Variants in PGR observed in about 807,000 individuals in gnomAD.
The protein encoded by PGR is nuclear receptor subfamily 3 group C member 3.
In PGR, 25 loss-of-function variants were observed where a neutral mutation model predicts 76.1. The observed-to-expected ratio is 0.33, with a 90% CI of 0.24 to 0.46. PGR has a LOEUF of 0.46. Ranked by LOEUF, PGR falls within the 20% of genes least tolerant of loss-of-function variation. PGR has a pLI of 1.00. For missense variants in PGR, 1,172 were observed against 1,225.3 expected (o/e 0.96, Z 0.65); for synonymous variants, 579 against 535.0 (o/e 1.08, Z -1.14).
At position 101,048,506 on chromosome 11, in the gene PGR, A is replaced by G. The variant is rs139654021; in HGVS notation, c.2488+1423T>C. Reference sequence around the variant, plus strand: ...TTATTCCTAGGCTATGAACCTGTACAGCATGTGATTACTGAATACTGTAGG... The same window carrying G: ...TTATTCCTAGGCTATGAACCTGTACGGCATGTGATTACTGAATACTGTAGG... On this transcript the variant is annotated intron_variant, in intron 6 of 7. Coordinates refer to ENST00000325455, the MANE Select transcript of PGR (RefSeq NM_000926.4). Among the ~76,000 whole-genome samples, 30 of 152,306 alleles carry G rather than the reference A, an allele frequency of 2.0e-4. No individual in the cohort carries two copies. The East Asian group carries it at 2.9e-3, about 15-fold the overall frequency.
intron 3 of PGR, chr11:101,063,092 G>A: frequency 4.2e-6 from 1 of 240,554 alleles, no homozygotes; most frequent in Non-Finnish European, 8.1e-6. Flanking sequence ...AGTTTTAGTA[G>A]CGACTACGCT....
rs540943297 is a variant in PGR, at chr11:101,046,292, ATTTTTTTTTTTTTTTTTTTTT to A, written c.2488+3616_2488+3636del. Among the ~76,000 whole-genome samples the A allele has an allele frequency of 1.4e-3, 94 of 66,296 alleles. 5 individuals are homozygous for A. Among genetic ancestry groups the A allele is most frequent in the Middle Eastern group, 8.6e-3 (1 of 116 alleles). 43.5% of individuals were successfully genotyped at this position (66,296 alleles called of 152,430 possible). A position where few individuals can be genotyped will look rare whatever the true frequency, so the allele number is the denominator to read the frequency against. On this transcript the variant is annotated intron_variant, in intron 6 of 7. Transcript: ENST00000325455. ...AGGCACTTGCCACTACGCCTGGCTA[ATTTTTTTTTTTTTTTTTTTTT>A]TTTTTTTTTTTTTTTTTTTTTTTAG...
intron 3 of PGR, among the ~76,000 whole-genome samples, chr11:101,068,383 G>GA (rs549203790): frequency 6.6e-6 from 1 of 152,008 alleles, no homozygotes; most frequent in Admixed American, 6.6e-5. Context: ...CAAACAAATG[G>GA]AAAAACATTC....
chr11:101,033,921 AGAT>A lies in PGR; in HGVS notation c.*5192_*5194del, dbSNP rs1462422179. On this transcript the variant is annotated 3_prime_UTR_variant, in exon 8 of 8. Coordinates refer to ENST00000325455, the MANE Select transcript of PGR (RefSeq NM_000926.4). The stretch of plus-strand genomic sequence containing the variant: ...TTGATGTATTAAGAGCAATTTCAAA[AGAT>A]AATAAAAATAAGCTATAGCATATGT... 3 of 221,184 alleles carry A rather than the reference AGAT, an allele frequency of 1.4e-5. No individual in the cohort carries two copies. The highest frequency in any genetic ancestry group is 6.7e-5 in the African/African-American group (3 of 44,738). 13.7% of individuals were successfully genotyped at this position (221,184 alleles called of 1,614,324 possible). A position where few individuals can be genotyped will look rare whatever the true frequency, so the allele number is the denominator to read the frequency against.
At chr11:101,044,682 T>A (rs1348811505) in intron 6 of PGR, among the ~76,000 whole-genome samples, 1 of 151,068 alleles carries the variant, frequency 6.6e-6, no homozygotes, top group Non-Finnish European at 1.5e-5. Context: ...ATTCCAAGAT[T>A]GTTAGTTGGC....
chr11:101,097,997 C>T (rs1465283938), intron 2 of PGR, among the ~76,000 whole-genome samples: 2 of 151,932 alleles, frequency 1.3e-5, no homozygotes, highest in African/African-American at 2.4e-5. Flanking sequence ...AGGATGGTCT[C>T]GATCTCCTGA....
chr11:101,068,049 A>C, intron 3 of PGR, among the ~76,000 whole-genome samples: 1 of 152,178 alleles, frequency 6.6e-6, no homozygotes, highest in East Asian at 1.9e-4. Context: ...AAGTGTAGTG[A>C]TAATATTCAT....
At chr11:101,109,804 G>C (rs1287601389) in intron 2 of PGR, among the ~76,000 whole-genome samples, 1 of 152,174 alleles carries the variant, frequency 6.6e-6, no homozygotes, top group Non-Finnish European at 1.5e-5. Flanking sequence ...ATGCCATTTA[G>C]AACTTTCAGA....
intron 1 of PGR, among the ~76,000 whole-genome samples, 185 bp from the exon 2 acceptor site, chr11:101,126,343 GCAAATGATTAGC>G (rs1266961989): frequency 6.6e-6 from 1 of 152,106 alleles, no homozygotes; most frequent in Non-Finnish European, 1.5e-5. Flanking sequence ...CACCATACTT[GCAAATGATTAGC>G]CATTCATCAG....
chr11:101,049,981 T>G lies in PGR; in HGVS notation c.2436A>C (p.Gln812His). 6.2e-7 allele frequency: 1 copy of G among 1,612,682 alleles called. No individual in the cohort carries two copies. The highest frequency in any genetic ancestry group is 8.5e-7 in the Non-Finnish European group (1 of 1,179,078). The change falls in exon 6 of 8, where the codon CAA (glutamine) becomes CAC (histidine). Residue 812 changes from glutamine to histidine, a missense_variant. Gln to His is a conservative substitution (Grantham distance 24, BLOSUM62 0). Coordinates refer to ENST00000325455, the MANE Select transcript of PGR (RefSeq NM_000926.4). ...TACAGAGGAACTCTTCTTGGCTAACTTGAAGCTTGACAAACTCCTGTGGGA... is the reference window on the plus strand; with the variant it reads ...TACAGAGGAACTCTTCTTGGCTAACGTGAAGCTTGACAAACTCCTGTGGGA... ...WQIPQEFVKL[Q>H]VSQEEFLCMK... is the part of the protein sequence containing the mutation.
At position 101,036,064 on chromosome 11, in the gene PGR, TGGCAGAGAAGGGG is replaced by T. The variant is rs1226198150; in HGVS notation, c.*3039_*3051del. 6 of 222,356 alleles carry T rather than the reference TGGCAGAGAAGGGG, an allele frequency of 2.7e-5. No homozygotes were observed. The highest frequency in any genetic ancestry group is 5.8e-5 in the Admixed American group (1 of 17,388). 13.8% of individuals were successfully genotyped at this position (222,356 alleles called of 1,614,324 possible). A position where few individuals can be genotyped will look rare whatever the true frequency, so the allele number is the denominator to read the frequency against. On this transcript the variant is annotated 3_prime_UTR_variant, in exon 8 of 8. Coordinates refer to ENST00000325455, the MANE Select transcript of PGR (RefSeq NM_000926.4). ...TGCTTAATCTCATCCAGCTAGTAAG[TGGCAGAGAAGGGG>T]GGCACAGTCCTATGTCAGTTATCTC... is the stretch of plus-strand genomic sequence containing the variant.
intron 3 of PGR, chr11:101,063,094 G>A (rs11571218): frequency 1.2e-4 from 28 of 237,398 alleles, no homozygotes; most frequent in Middle Eastern, 1.7e-3. Flanking sequence ...TTTTAGTAGC[G>A]ACTACGCTCA....
At chr11:101,089,348 T>C (rs2135453136) in intron 3 of PGR, among the ~76,000 whole-genome samples, 1 of 152,304 alleles carries the variant, frequency 6.6e-6, no homozygotes, top group African/African-American at 2.4e-5. Flanking sequence ...TTAGAAAAAT[T>C]ATAACTGGCA....
At position 101,046,134 on chromosome 11, in the gene PGR, TTTTTA is replaced by T. The variant is rs1055331801; in HGVS notation, c.2488+3790_2488+3794del. 1.7e-4 allele frequency among the ~76,000 whole-genome samples: 26 copies of T among 150,878 alleles called. No individual in the cohort carries two copies. The South Asian group carries it at 4.6e-3, about 27-fold the overall frequency. On this transcript the variant is annotated intron_variant, in intron 6 of 7. Transcript: ENST00000325455. ...TTATTTTTATTTATTTATTTATTTA[TTTTTA>T]TTTTGAGACATGGTCTCACTCAATC...
At chr11:101,084,650 T>G (rs922055907) in intron 3 of PGR, among the ~76,000 whole-genome samples, 15 of 132,872 alleles carry the variant, frequency 1.1e-4, no homozygotes, top group Non-Finnish European at 2.2e-4. Context: ...AGAGTAAGAC[T>G]CCATCTAAAA....
rs1365162762 is a variant in PGR, at chr11:101,128,475, G to C, written c.596C>G (p.Ala199Gly). 8.7e-6 allele frequency: 14 copies of C among 1,607,610 alleles called. No homozygotes were observed. Among genetic ancestry groups the C allele is most frequent in the Non-Finnish European group, 1.2e-5 (14 of 1,179,284 alleles). Residue 199 changes from alanine (A) to glycine (G), a missense_variant, in exon 1 of 8, where the codon GCC (alanine) becomes GGC (glycine). Ala to Gly is a moderately conservative substitution (Grantham distance 60). This residue lies in a region of PGR where 893 missense variants were observed against 785.9 expected (regional missense o/e 1.14). Transcript: ENST00000325455. ...CCCGGACCAGTGAGGGCTCTCAGAG[G>C]CCGGGAGCAGCAGCTGCCGGGCTGG... ...LSPARQLLLP[A>G]SESPHWSGAP...
At chr11:101,093,206 A>G (rs551604923) in intron 2 of PGR, among the ~76,000 whole-genome samples, 1 of 152,306 alleles carries the variant, frequency 6.6e-6, no homozygotes, top group East Asian at 1.9e-4. Context: ...CACCTAATAA[A>G]GGGTAACTGT....
chr11:101,050,533 CAAT>C (rs1860050047), intron 5 of PGR, among the ~76,000 whole-genome samples: 1 of 151,976 alleles, frequency 6.6e-6, no homozygotes, highest in African/African-American at 2.4e-5. Context: ...GGGAAATATA[CAAT>C]GATACAGAAA....
At chr11:101,043,100 G>A (rs779804527) in intron 6 of PGR, among the ~76,000 whole-genome samples, 1 of 152,150 alleles carries the variant, frequency 6.6e-6, no homozygotes, top group Non-Finnish European at 1.5e-5. Context: ...AGCATGCAAT[G>A]CTAGCAGTTT....
Sources: gnomAD v4.1 joint callset for allele counts (sites outside exome capture counted in the v4.1 genomes callset) on GRCh38, gnomAD v4.1.1 for gene constraint, gnomAD v4.1.1 regional missense constraint, MANE v1.5 for transcripts, NCBI Gene and HGNC (gene_info 2026-07-23, HGNC 2026-07-21) for gene names.